The following AFG2A variants were observed in gnomAD, a reference collection of about 807,000 sequenced individuals.
AFG2A encodes the protein AAA ATPase AFG2A, also known as ATPase family gene 2 protein homolog A.
the AFG2A span, among the ~76,000 whole-genome samples, chr4:122,943,361 G>A: frequency 8.5e-5 from 13 of 152,228 alleles, no homozygotes; most frequent in African/African-American, 2.9e-4. Context: ...AGCTCTTCGT[G>A]TTGAATTGAT....
chr4:123,161,969 A>G, the AFG2A span, among the ~76,000 whole-genome samples: 1 of 152,242 alleles, frequency 6.6e-6, no homozygotes, highest in South Asian at 2.1e-4. Context: ...TCAGGATTTG[A>G]CGGGGAGGGA....
the AFG2A span, among the ~76,000 whole-genome samples, chr4:123,210,206 C>CTTA: frequency 6.6e-6 from 1 of 152,184 alleles, no homozygotes; most frequent in South Asian, 2.1e-4. Flanking sequence ...ACCTCACATA[C>CTTA]TTATTTTGGA....
chr4:122,945,142 T>C, the AFG2A span, among the ~76,000 whole-genome samples: 1 of 152,212 alleles, frequency 6.6e-6, no homozygotes, highest in African/African-American at 2.4e-5. Context: ...AGCTGCGTGC[T>C]GGGAGAACCA....
At chr4:123,204,982 A>G in the AFG2A span, among the ~76,000 whole-genome samples, 3 of 152,282 alleles carry the variant, frequency 2.0e-5, no homozygotes, top group East Asian at 5.8e-4. Context: ...CTCACTGGAG[A>G]GTGGGTAGTT....
the AFG2A span, among the ~76,000 whole-genome samples, chr4:123,070,045 A>G: frequency 1.3e-4 from 20 of 152,310 alleles, no homozygotes; most frequent in East Asian, 2.7e-3. Context: ...AGTAAGGCTA[A>G]GTAAGGAACT....
At chr4:123,300,241 T>A in the AFG2A span, among the ~76,000 whole-genome samples, 1 of 152,190 alleles carries the variant, frequency 6.6e-6, no homozygotes, top group Non-Finnish European at 1.5e-5. Context: ...GGTATTTTGG[T>A]TAAGGTTTTC....
chr4:123,241,958 A>G, the AFG2A span, among the ~76,000 whole-genome samples: 1 of 152,238 alleles, frequency 6.6e-6, no homozygotes, highest in Admixed American at 6.5e-5. Flanking sequence ...TCAATGTGCA[A>G]AAATCACAAG....
At chr4:122,927,606 A>G in the AFG2A span, 1 of 1,589,336 alleles carries the variant, frequency 6.3e-7, no homozygotes, top group East Asian at 2.2e-5. Context: ...ACAAAGTAGT[A>G]CAAAAATAAT....
the AFG2A span, among the ~76,000 whole-genome samples, chr4:122,966,188 A>G: frequency 6.6e-6 from 1 of 152,214 alleles, no homozygotes; most frequent in African/African-American, 2.4e-5. Flanking sequence ...ATACGTTTAT[A>G]TAGAGTCCAG....
At chr4:123,114,599 C>A in the AFG2A span, among the ~76,000 whole-genome samples, 2 of 152,208 alleles carry the variant, frequency 1.3e-5, no homozygotes, top group Non-Finnish European at 1.5e-5. Flanking sequence ...AGCAGATACC[C>A]CTGAGTCTGC....
the AFG2A span, among the ~76,000 whole-genome samples, chr4:122,944,668 GT>G: frequency 1.3e-5 from 2 of 151,816 alleles, no homozygotes; most frequent in African/African-American, 4.9e-5. Flanking sequence ...GCTTTGTTCT[GT>G]TGCTGGTGAG....
At chr4:122,935,574 T>C in the AFG2A span, 2 of 913,032 alleles carry the variant, frequency 2.2e-6, no homozygotes, top group Admixed American at 3.1e-5. Flanking sequence ...TACATCTTTC[T>C]GGAGGGGGAG....
chr4:123,021,217 T>A, the AFG2A span, among the ~76,000 whole-genome samples: 16 of 151,764 alleles, frequency 1.1e-4, no homozygotes, highest in East Asian at 5.8e-4. Context: ...AAGCTTTTTT[T>A]AAAAAAAAAT....
At chr4:123,155,194 C>G in the AFG2A span, among the ~76,000 whole-genome samples, 8 of 152,150 alleles carry the variant, frequency 5.3e-5, no homozygotes, top group African/African-American at 1.9e-4. Context: ...AAGCAGTTCT[C>G]TCACTTCAGC....
the AFG2A span, chr4:122,923,129 G>T: frequency 1.2e-6 from 2 of 1,613,992 alleles, no homozygotes; most frequent in Admixed American, 1.7e-5. Context: ...CTTCGGCTAG[G>T]GTACCTTGTG....
chr4:123,045,255 C>G, the AFG2A span, among the ~76,000 whole-genome samples: 1 of 152,002 alleles, frequency 6.6e-6, no homozygotes. Context: ...TTTCTTCAAC[C>G]ATTTGAATTT....
the AFG2A span, among the ~76,000 whole-genome samples, chr4:122,932,135 CGTG>C: frequency 2.6e-5 from 4 of 151,746 alleles, no homozygotes; most frequent in South Asian, 8.3e-4. Flanking sequence ...ATTAGCTGAG[CGTG>C]GTGGTGAGCG....
the AFG2A span, among the ~76,000 whole-genome samples, chr4:123,093,623 A>T: frequency 1.3e-5 from 2 of 152,176 alleles, no homozygotes; most frequent in African/African-American, 2.4e-5. Context: ...CCCCTCAGAG[A>T]TTAGAAACTC....
the AFG2A span, among the ~76,000 whole-genome samples, chr4:123,243,399 A>G: frequency 1.3e-5 from 2 of 152,228 alleles, no homozygotes; most frequent in African/African-American, 2.4e-5. Flanking sequence ...CAGATACACC[A>G]TGGAATACTA....
Sources: gnomAD v4.1 joint callset for allele counts (sites outside exome capture counted in the v4.1 genomes callset) on GRCh38, gnomAD v4.1.1 for gene constraint, MANE v1.5 for transcripts, NCBI Gene and HGNC (gene_info 2026-07-23, HGNC 2026-07-21) for gene names.